The following AGPAT5 variants were observed in gnomAD, a reference collection of about 807,000 sequenced individuals.
AGPAT5 encodes the protein 1-acylglycerol-3-phosphate O-acyltransferase 5, also known as 1-acyl-sn-glycerol-3-phosphate acyltransferase epsilon.
A neutral mutation model predicts 45.6 loss-of-function variants in AGPAT5; 46 were observed. The ratio of observed to expected loss-of-function variants is 1.01; its 90% CI spans 0.80 to 1.29. The LOEUF (loss-of-function observed/expected upper bound fraction) is 1.29. Ranked by LOEUF, AGPAT5 falls within the 50% of genes most tolerant of loss-of-function variation. AGPAT5 has a pLI of 0.00. For synonymous variants in AGPAT5, 272 were observed against 167.0 expected (o/e 1.63, Z -4.85); for missense variants, 673 against 450.7 (o/e 1.49, Z -4.47).
intron 1 of AGPAT5, among the ~76,000 whole-genome samples, chr8:6,722,735 C>T (rs1187819022): frequency 6.6e-6 from 1 of 152,088 alleles, no homozygotes; most frequent in Non-Finnish European, 1.5e-5. Flanking sequence ...GTTTTTTTGA[C>T]GAAAGCAGAA....
intron 1 of AGPAT5, among the ~76,000 whole-genome samples, chr8:6,716,014 C>A (rs1019467022): frequency 1.3e-5 from 2 of 152,142 alleles, no homozygotes; most frequent in Non-Finnish European, 2.9e-5. Flanking sequence ...GCTTTTCCTT[C>A]TGGGCCGCCC....
rs574050758 is a variant in AGPAT5, at chr8:6,715,906, A to G, written c.219+7019A>G. On this transcript the variant is annotated intron_variant, in intron 1 of 7. Coordinates refer to ENST00000285518, the MANE Select transcript of AGPAT5 (RefSeq NM_018361.5). ...TTTAGGGAAAAGAGGTTTTCAATTG[A>G]TAACATAATAAACATGAGGAGTTTG... Among the ~76,000 whole-genome samples the G allele has an allele frequency of 2.6e-3, 395 of 152,326 alleles. 2 individuals are homozygous for G. Among genetic ancestry groups the G allele is most frequent in the African/African-American group, 9.0e-3 (374 of 41,554 alleles).
At chr8:6,718,309 C>A (rs1461802639) in intron 1 of AGPAT5, among the ~76,000 whole-genome samples, 1 of 152,136 alleles carries the variant, frequency 6.6e-6, no homozygotes, top group African/African-American at 2.4e-5. Flanking sequence ...GCAGACATGC[C>A]GCTCCCCGTC....
chr8:6,736,502 C>G (rs750087134), intron 4 of AGPAT5, among the ~76,000 whole-genome samples: 9 of 152,220 alleles, frequency 5.9e-5, no homozygotes, highest in Non-Finnish European at 8.8e-5. Flanking sequence ...TGCCTAAAGT[C>G]TTGTCTGAGT....
In AGPAT5 at chr8:6,730,545, T is replaced by G. The variant is rs1161466471; in HGVS notation, c.290-166T>G. On this transcript the variant is annotated intron_variant, in intron 2 of 7. Transcript: ENST00000285518. ...CGGGGTTTCACCGTGTTAGCCAGGATGGTCTCGATCTCCTGACCTCGTGAT... is the reference window on the plus strand; with the variant it reads ...CGGGGTTTCACCGTGTTAGCCAGGAGGGTCTCGATCTCCTGACCTCGTGAT... Among the ~76,000 whole-genome samples the G allele has an allele frequency of 3.4e-4, 5 of 14,668 alleles. 2 individuals carry two copies. Among genetic ancestry groups the G allele is most frequent in the Non-Finnish European group, 5.2e-4 (5 of 9,664 alleles). The allele number at this position is 14,668 out of a possible 152,430, so 9.6% of individuals were successfully genotyped here. A position where few individuals can be genotyped will look rare whatever the true frequency, so the allele number is the denominator to read the frequency against.
At chr8:6,749,357 A>G (rs80148941) in intron 6 of AGPAT5, among the ~76,000 whole-genome samples, 1 of 152,224 alleles carries the variant, frequency 6.6e-6, no homozygotes, top group Non-Finnish European at 1.5e-5. Context: ...TATCTGAAAG[A>G]TGATTGTTCT....
chr8:6,757,336 C>A lies in AGPAT5; in HGVS notation c.1043C>A (p.Thr348Asn). The change falls in exon 8 of 8, where the codon ACC becomes AAC. Residue 348 changes from threonine (T) to asparagine (N), a missense_variant. Physicochemically the swap from Thr to Asn is moderately conservative, Grantham distance 65. Coordinates refer to ENST00000285518, the MANE Select transcript of AGPAT5 (RefSeq NM_018361.5). The part of the protein sequence containing the change: ...TDAGRKLYVN[T>N]WIYGTLLGCL... Reference sequence around the variant, plus strand: ...GCTGGAAGGAAGCTGTATGTGAACACCTGGATATATGGAACCCTACTTGGC... The same window carrying A: ...GCTGGAAGGAAGCTGTATGTGAACAACTGGATATATGGAACCCTACTTGGC... 6.2e-7 allele frequency: 1 copy of A among 1,614,186 alleles called. No individual in the cohort carries two copies. The highest frequency in any genetic ancestry group is 8.5e-7 in the Non-Finnish European group (1 of 1,180,026).
chr8:6,728,159 C>T (rs1026250568), intron 2 of AGPAT5, among the ~76,000 whole-genome samples: 1 of 152,218 alleles, frequency 6.6e-6, no homozygotes, highest in African/African-American at 2.4e-5. Flanking sequence ...CTGCCTTCCA[C>T]TCCTCTCCTC....
At chr8:6,715,016 C>T (rs1800272996) in intron 1 of AGPAT5, among the ~76,000 whole-genome samples, 1 of 152,128 alleles carries the variant, frequency 6.6e-6, no homozygotes, top group Admixed American at 6.5e-5. Context: ...TAAGTAATGA[C>T]TTTTCAGTAA....
In AGPAT5 at chr8:6,755,067, A is replaced by T; in HGVS notation, c.762A>T (p.Glu254Asp). ...SPTMTEFLCK[E>D]CPKIHIHIDR... The stretch of plus-strand genomic sequence containing the variant: ...CTTTGTTAGAATTTCTCTGCAAAGA[A>T]TGTCCAAAAATTCATATTCACATTG... Residue 254 changes from glutamate (E) to aspartate (D), a missense_variant, in exon 7 of 8, where the codon GAA becomes GAT. Glu to Asp is a conservative substitution (Grantham distance 45, BLOSUM62 2). Transcript: ENST00000285518. 1 of 1,592,824 alleles carries T rather than the reference A, an allele frequency of 6.3e-7. No homozygotes were observed. Among genetic ancestry groups the T allele is most frequent in the Non-Finnish European group, 8.5e-7 (1 of 1,172,746 alleles).
chr8:6,731,763 C>T (rs1587026801), intron 3 of AGPAT5, among the ~76,000 whole-genome samples: 2 of 152,002 alleles, frequency 1.3e-5, no homozygotes, highest in East Asian at 3.9e-4. Context: ...AAAAAGCAAA[C>T]TGTATATATA....
intron 4 of AGPAT5, among the ~76,000 whole-genome samples, chr8:6,734,943 G>A (rs1800996294): frequency 6.6e-6 from 1 of 152,074 alleles, no homozygotes; most frequent in South Asian, 2.1e-4. Context: ...TTTTCACATA[G>A]CACCTTGGAG....
chr8:6,715,411 C>G (rs762692228), intron 1 of AGPAT5, among the ~76,000 whole-genome samples: 53 of 152,084 alleles, frequency 3.5e-4, no homozygotes, highest in Non-Finnish European at 7.2e-4. Context: ...GCTGATAGGG[C>G]TTTGTGATTG....
At chr8:6,719,604 C>A (rs934790502) in intron 1 of AGPAT5, among the ~76,000 whole-genome samples, 10 of 152,196 alleles carry the variant, frequency 6.6e-5, no homozygotes, top group African/African-American at 2.2e-4. Flanking sequence ...TCAGCACAAG[C>A]TAATAGCATC....
At chr8:6,739,145 T>A (rs531134696) in intron 4 of AGPAT5, among the ~76,000 whole-genome samples, 2 of 151,826 alleles carry the variant, frequency 1.3e-5, no homozygotes, top group South Asian at 4.2e-4. Context: ...GTTATATTGA[T>A]CTATATATAT....
chr8:6,751,712 A>AT (rs997136089), intron 6 of AGPAT5, among the ~76,000 whole-genome samples: 11 of 146,444 alleles, frequency 7.5e-5, no homozygotes, highest in Admixed American at 2.1e-4. Context: ...ATTACTATTG[A>AT]TTTTTTTTTA....
chr8:6,723,634 G>A (rs1288387145), intron 1 of AGPAT5, among the ~76,000 whole-genome samples: 1 of 152,212 alleles, frequency 6.6e-6, no homozygotes, highest in African/African-American at 2.4e-5. Context: ...ACTCTGAACA[G>A]ATCAAGCTAT....
At chr8:6,708,939 C>T (rs778832590) in intron 1 of AGPAT5, 52 bp downstream of exon 1, 12 of 1,525,510 alleles carry the variant, frequency 7.9e-6, no homozygotes, top group Middle Eastern at 1.7e-4. Context: ...CTCCCGGGGG[C>T]GCGGACCTCT....
At chr8:6,743,749 C>A (rs1159041719) in intron 5 of AGPAT5, among the ~76,000 whole-genome samples, 1 of 148,904 alleles carries the variant, frequency 6.7e-6, no homozygotes, top group East Asian at 2.0e-4. Flanking sequence ...CACCTGGACC[C>A]ATTAAAGTAA....
Sources: gnomAD v4.1 joint callset for allele counts (sites outside exome capture counted in the v4.1 genomes callset) on GRCh38, gnomAD v4.1.1 for gene constraint, MANE v1.5 for transcripts, NCBI Gene and HGNC (gene_info 2026-07-23, HGNC 2026-07-21) for gene names.